Variants in IFT172 observed in about 807,000 individuals in gnomAD.
The protein encoded by IFT172 is intraflagellar transport 172, also known as intraflagellar transport protein 172 homolog.
In IFT172, 164 loss-of-function variants were observed where a neutral mutation model predicts 248.9. The observed-to-expected ratio is 0.66, with a 90% CI of 0.58 to 0.75. The LOEUF (loss-of-function observed/expected upper bound fraction) is 0.75. IFT172 is among the 30% of genes least tolerant of loss of function. IFT172 has a pLI of 0.00. For synonymous variants in IFT172, 729 were observed against 791.6 expected, an observed-to-expected ratio of 0.92 and a Z score of 1.33; for missense variants, 1,950 against 2,192.4, an observed-to-expected ratio of 0.89 and a Z score of 2.21.
chr2:27,479,599 T>C lies in IFT172; in HGVS notation c.915A>G (p.Thr305=), dbSNP rs180855666. 230 of 1,605,886 alleles carry C rather than the reference T, an allele frequency of 1.4e-4. 1 individual carries two copies. In the East Asian group the frequency reaches 4.2e-3, roughly 29 times the overall value. ...CAAACTGTTCCACCCCACCACATAG[T>C]GTGCCCTAGAAGGGAAAGTGACAGC... is the stretch of plus-strand genomic sequence containing the variant. ...KRDGSRLCVG[T]LCGGVEQFDC... Residue 305 remains threonine (T), a synonymous_variant, in exon 10 of 48, where the codon ACA becomes ACG. Coordinates refer to ENST00000260570, the MANE Select transcript of IFT172 (RefSeq NM_015662.3).
intron 10 of IFT172, among the ~76,000 whole-genome samples, chr2:27,478,923 C>A (rs968066647): frequency 7.2e-5 from 11 of 152,184 alleles, no homozygotes; most frequent in African/African-American, 2.4e-4. Context: ...TCCAACTGCC[C>A]AATTGCCAGT....
chr2:27,467,343 CAGG>C (rs140289508), intron 16 of IFT172, among the ~76,000 whole-genome samples: 1,481 of 134,028 alleles, frequency 0.011, 17 homozygotes, highest in African/African-American at 0.038. Context: ...GAGGCTCAGG[CAGG>C]AGGACTGCTT....
intron 1 of IFT172, among the ~76,000 whole-genome samples, chr2:27,488,970 A>G (rs1253411118): frequency 6.6e-6 from 1 of 152,232 alleles, no homozygotes; most frequent in Non-Finnish European, 1.5e-5. Context: ...TGAACCCGGG[A>G]GGCGGAGGTT....
intron 24 of IFT172, 87 bp downstream of exon 24, chr2:27,459,622 C>G (rs531904753): frequency 1.2e-6 from 2 of 1,601,412 alleles, no homozygotes; most frequent in East Asian, 2.2e-5. Context: ...ATTTTGAGAT[C>G]TCTTCTTTAA....
intron 7 of IFT172, among the ~76,000 whole-genome samples, chr2:27,481,760 C>T (rs1241397177): frequency 1.3e-5 from 2 of 150,518 alleles, no homozygotes; most frequent in South Asian, 2.1e-4. Flanking sequence ...AGGCTGGTCT[C>T]GAACTCCTGA....
rs1666450205 is a variant in IFT172 at position 27,459,455 on chromosome 2, C to T, written c.2710G>A (p.Asp904Asn). The change falls in exon 25 of 48, where the codon GAT becomes AAT. Residue 904 changes from aspartate (D) to asparagine (N), a missense_variant. By Grantham distance (23) the Asp-to-Asn change is conservative (BLOSUM62 1). This residue lies in a region of IFT172 where 1,166 missense variants were observed against 1,254.1 expected (regional missense o/e 0.93). Coordinates refer to ENST00000260570, the MANE Select transcript of IFT172 (RefSeq NM_015662.3). Reference protein sequence around the residue: ...RQWKKAIYILDLQDRNTASKY... With the variant: ...RQWKKAIYILNLQDRNTASKY... ...GATGCAGTGTTCCGGTCCTGTAGAT[C>T]TAATATATAAATTGCCTTCTTCCAC... 1 of 1,614,176 alleles carries T rather than the reference C, an allele frequency of 6.2e-7. No individual in the cohort carries two copies. The highest frequency in any genetic ancestry group is 8.5e-7 in the Non-Finnish European group (1 of 1,180,042).
Position 27,454,499 on chromosome 2 carries a change from C to T in IFT172, c.3465+68G>A. ...AGGCATGAGACTGGGGGTCTGCACA[C>T]CCAGCAGCAGTGCACTAGGGGATGG... On this transcript the variant is annotated intron_variant, in intron 31 of 47. Transcript: ENST00000260570. This position sits in a 1 kb window ranked among gnomAD's most constrained non-coding sequence, Gnocchi z 4.2. 1 of 1,608,698 alleles carries T rather than the reference C, an allele frequency of 6.2e-7. No individual in the cohort carries two copies. The highest frequency in any genetic ancestry group is 8.5e-7 in the Non-Finnish European group (1 of 1,175,084).
In IFT172 at chr2:27,450,003, T is replaced by C. The variant is rs765362471; in HGVS notation, c.4045A>G (p.Ser1349Gly). ...GPQLIGIGKH[S>G]AAAELYLNLD... ...CATCTCAGCATCCTACTTACTGCACTGTGCTTTCCAATTCCAATCAGCTGG... is the reference window on the plus strand; with the variant it reads ...CATCTCAGCATCCTACTTACTGCACCGTGCTTTCCAATTCCAATCAGCTGG... Residue 1349 changes from serine to glycine, a missense_variant, in exon 36 of 48, where the codon AGT (serine) becomes GGT (glycine). Ser to Gly is a moderately conservative substitution (Grantham distance 56). This residue lies in a region of IFT172 where 620 missense variants were observed against 699.0 expected (regional missense o/e 0.89). Coordinates refer to ENST00000260570, the MANE Select transcript of IFT172 (RefSeq NM_015662.3). 2 of 1,612,144 alleles carry C rather than the reference T, an allele frequency of 1.2e-6. No individual in the cohort carries two copies. Among genetic ancestry groups the C allele is most frequent in the African/African-American group, 1.3e-5 (1 of 74,906 alleles).
chr2:27,469,316 C>T (rs890567793), intron 16 of IFT172, among the ~76,000 whole-genome samples: 1 of 152,006 alleles, frequency 6.6e-6, no homozygotes, highest in African/African-American at 2.4e-5. Flanking sequence ...TCACTTGAAC[C>T]TGGGAGGTGG....
intron 16 of IFT172, among the ~76,000 whole-genome samples, chr2:27,469,722 C>A (rs1435528138): frequency 6.6e-6 from 1 of 152,162 alleles, no homozygotes; most frequent in African/African-American, 2.4e-5. Flanking sequence ...ATCCCAGCTA[C>A]TTGGGATGCT....
Position 27,469,117 on chromosome 2 carries a change from G to A in IFT172, c.1692+1811C>T, listed in dbSNP as rs1031240591. ...CTAAAGAAATTTCTAAATAAGGCTG[G>A]GCGCAGTGGCTCATGTCTGTAATCC... On this transcript the variant is annotated intron_variant, in intron 16 of 47. Coordinates refer to ENST00000260570, the MANE Select transcript of IFT172 (RefSeq NM_015662.3). Among the ~76,000 whole-genome samples, 52 of 152,140 alleles carry A rather than the reference G, an allele frequency of 3.4e-4. 1 individual carries two copies. Among genetic ancestry groups the A allele is most frequent in the Non-Finnish European group, 2.1e-4 (14 of 68,042 alleles).
At chr2:27,477,759 C>T (rs919069878) in intron 11 of IFT172, 147 bp from the exon 12 acceptor site, 5 of 781,428 alleles carry the variant, frequency 6.4e-6, no homozygotes, top group Non-Finnish European at 1.1e-5. Flanking sequence ...AGAATCTGCT[C>T]TGGTCCCTGA....
At position 27,456,541 on chromosome 2, in the gene IFT172, T is replaced by G. The variant is rs746036739; in HGVS notation, c.3341A>C (p.Glu1114Ala). ...VRLLNKLGLL[E>A]AAVDHAADNC... is the part of the protein sequence containing the mutation. ...GTCTGCAGCGTGGTCAACAGCAGCT[T>G]CCAGGAGTCCCAGCTTATTAAGCAG... Residue 1114 changes from glutamate (E) to alanine (A), a missense_variant, in exon 30 of 48, where the codon GAA (glutamate) becomes GCA (alanine). Coordinates refer to ENST00000260570, the MANE Select transcript of IFT172 (RefSeq NM_015662.3). 1 of 1,614,042 alleles carries G rather than the reference T, an allele frequency of 6.2e-7. No homozygotes were observed. Among genetic ancestry groups the G allele is most frequent in the Non-Finnish European group, 8.5e-7 (1 of 1,179,994 alleles).
At chr2:27,457,790 A>T in intron 28 of IFT172, 35 bp from the exon 29 acceptor site, 1 of 1,613,958 alleles carries the variant, frequency 6.2e-7, no homozygotes, top group South Asian at 1.1e-5. Context: ...AGAGATGGGG[A>T]GATGGAGCCT....
chr2:27,445,997 A>G lies in IFT172; in HGVS notation c.4756-9T>C, dbSNP rs1487163955. ...TTATCCCAGCCAACTGCCTGCAGCA[A>G]AGAAGAGTTGCAAATGGGAGTGAAC... On this transcript the variant is annotated splice_polypyrimidine_tract_variant and intron_variant, in intron 43 of 47. Coordinates refer to ENST00000260570, the MANE Select transcript of IFT172 (RefSeq NM_015662.3). The surrounding 1 kb of genome is among the most constrained non-coding windows in gnomAD (Gnocchi z 4.4). The G allele has an allele frequency of 6.2e-7, 1 of 1,614,240 alleles. No individual in the cohort carries two copies. The highest frequency in any genetic ancestry group is 8.5e-7 in the Non-Finnish European group (1 of 1,180,038).
Position 27,461,281 on chromosome 2 carries a change from T to A in IFT172, c.2430A>T (p.Glu810Asp), listed in dbSNP as rs373768002. The A allele has an allele frequency of 5.6e-6, 9 of 1,614,008 alleles. No individual in the cohort carries two copies. The highest frequency in any genetic ancestry group is 4.4e-5 in the South Asian group (4 of 91,082). The part of the protein sequence containing the change: ...EHITAALIKG[E>D]LYERAGDLFE... ...GAAGCCAGCATACCCTTTCGTAGAG[T>A]TCCCCCTTGATAAGGGCTGCAGTGA... is the stretch of plus-strand genomic sequence containing the variant. Residue 810 changes from glutamate (E) to aspartate (D), a missense_variant, in exon 22 of 48, where the codon GAA (glutamate) becomes GAT (aspartate). Physicochemically the swap from Glu to Asp is conservative, Grantham distance 45. Around this residue, in one of 3 missense-constraint regions of IFT172, gnomAD observed 1,166 missense variants for 1,254.1 expected, o/e 0.93. Coordinates refer to ENST00000260570, the MANE Select transcript of IFT172 (RefSeq NM_015662.3).
chr2:27,463,280 GC>G, intron 18 of IFT172, 99 bp from the exon 19 acceptor site: 1 of 1,092,034 alleles, frequency 9.2e-7, no homozygotes, highest in Non-Finnish European at 1.3e-6. Context: ...TCTATGATGT[GC>G]CAGCCAATGT....
At position 27,465,978 on chromosome 2, in the gene IFT172, G is replaced by A. The variant is rs867279704; in HGVS notation, c.1693-96C>T. 8.0e-6 allele frequency: 11 copies of A among 1,383,272 alleles called. No individual in the cohort carries two copies. The Middle Eastern group carries it at 1.7e-3, about 210-fold the overall frequency. 85.7% of individuals were successfully genotyped at this position (1,383,272 alleles called of 1,614,324 possible). ...CCACCCTCATCCGACCCAGTCAGTG[G>A]TCAAGAGAGTCACAGCGGCCCTGAT... is the stretch of plus-strand genomic sequence containing the variant. On this transcript the variant is annotated intron_variant, in intron 16 of 47. Transcript: ENST00000260570.
chr2:27,444,551 A>G, intron 47 of IFT172, 30 bp from the exon 48 acceptor site: 3 of 1,553,206 alleles, frequency 1.9e-6, no homozygotes, highest in Non-Finnish European at 2.7e-6. Flanking sequence ...CATGAGAGGA[A>G]CTTGTTAATG....
Sources: gnomAD v4.1 joint callset for allele counts (sites outside exome capture counted in the v4.1 genomes callset) on GRCh38, gnomAD v4.1.1 for gene constraint, gnomAD v4.1.1 regional missense constraint, Gnocchi (gnomAD v3.1) non-coding constraint, MANE v1.5 for transcripts, NCBI Gene and HGNC (gene_info 2026-07-23, HGNC 2026-07-21) for gene names.